CLNK: variants seen among roughly 807,000 people sequenced by gnomAD.
CLNK encodes cytokine-dependent hematopoietic cell linker.
CLNK carries 74 observed loss-of-function variants against 68.6 expected under a neutral mutation model. That is an observed-to-expected ratio of 1.08 (90% CI 0.89 to 1.31). The LOEUF is 1.31. CLNK is among the 50% of genes most tolerant of loss of function. The pLI is 0.00. For missense variants in CLNK, 553 were observed against 515.3 expected, an observed-to-expected ratio of 1.07 and a Z score of -0.71; for synonymous variants, 198 against 172.2, an observed-to-expected ratio of 1.15 and a Z score of -1.17.
At chr4:10,516,193 G>A (rs937523190) in intron 15 of CLNK, among the ~76,000 whole-genome samples, 4 of 151,796 alleles carry the variant, frequency 2.6e-5, no homozygotes, top group Non-Finnish European at 5.9e-5. Context: ...AAATCTTTAG[G>A]ATATATAAAC....
intron 1 of CLNK, among the ~76,000 whole-genome samples, chr4:10,677,078 G>A (rs1724905757): frequency 6.6e-6 from 1 of 150,764 alleles, no homozygotes; most frequent in Admixed American, 6.6e-5. Flanking sequence ...ACCCAACTGT[G>A]ATTGTTTCTC....
intron 8 of CLNK, among the ~76,000 whole-genome samples, chr4:10,549,442 A>G (rs1428843333): frequency 1.3e-5 from 2 of 152,190 alleles, no homozygotes; most frequent in African/African-American, 4.8e-5. Flanking sequence ...GAGCTTTGGA[A>G]CTGAATTTGT....
At chr4:10,540,434 C>G (rs1962796) in intron 11 of CLNK, 60 bp downstream of exon 11, 910,154 of 1,295,224 alleles carry the variant, frequency 0.7, 330,084 homozygotes, top group Non-Finnish European at 0.77. Flanking sequence ...TTTCCCTTGT[C>G]CCCCTCCCCC....
At chr4:10,692,923 C>T in the CLNK span, among the ~76,000 whole-genome samples, 1 of 152,222 alleles carries the variant, frequency 6.6e-6, no homozygotes, top group Non-Finnish European at 1.5e-5. Flanking sequence ...CCAAACTGGT[C>T]CATACTAAGT....
At chr4:10,591,423 T>A (rs1039902126) in intron 3 of CLNK, among the ~76,000 whole-genome samples, 1 of 152,222 alleles carries the variant, frequency 6.6e-6, no homozygotes, top group Non-Finnish European at 1.5e-5. Flanking sequence ...CTGCCTACCC[T>A]GAACCTCTAG....
At chr4:10,663,677 T>C (rs1724281140) in intron 2 of CLNK, among the ~76,000 whole-genome samples, 1 of 152,202 alleles carries the variant, frequency 6.6e-6, no homozygotes, top group Non-Finnish European at 1.5e-5. Flanking sequence ...CATCCATTCA[T>C]TTATACTTAT....
chr4:10,544,819 G>A (rs1719164189), intron 8 of CLNK, among the ~76,000 whole-genome samples: 1 of 152,162 alleles, frequency 6.6e-6, no homozygotes, highest in Non-Finnish European at 1.5e-5. Flanking sequence ...TGCGGGTGGT[G>A]ACTCTGAGGT....
intron 14 of CLNK, chr4:10,523,902 A>G (rs889931642): frequency 1.4e-5 from 5 of 362,912 alleles, no homozygotes; most frequent in Admixed American, 1.0e-4. Flanking sequence ...GCATGTGCCT[A>G]TAGTTCCAGC....
intron 8 of CLNK, 67 bp from the exon 9 acceptor site, chr4:10,542,347 C>T (rs543509827): frequency 3.9e-6 from 4 of 1,017,678 alleles, no homozygotes; most frequent in Non-Finnish European, 5.9e-6. Context: ...TTTATACACG[C>T]TTACATGAAA....
intron 2 of CLNK, chr4:10,656,385 G>T (rs1577200779): frequency 6.8e-6 from 1 of 147,646 alleles, no homozygotes; most frequent in Non-Finnish European, 1.5e-5. Flanking sequence ...GACAAGCATT[G>T]TGTGCAGACG....
chr4:10,629,838 C>T (rs185225167), intron 2 of CLNK, among the ~76,000 whole-genome samples: 1 of 152,262 alleles, frequency 6.6e-6, no homozygotes, highest in East Asian at 1.9e-4. Context: ...TATAAACAGC[C>T]ACAGTCTCTC....
At chr4:10,522,276 A>G (rs1185182322) in intron 14 of CLNK, among the ~76,000 whole-genome samples, 7 of 142,018 alleles carry the variant, frequency 4.9e-5, no homozygotes, top group African/African-American at 1.8e-4. Context: ...AAAAAAAAAG[A>G]AAAAGGAAAA....
At chr4:10,604,476 G>T (rs1200220194) in intron 2 of CLNK, among the ~76,000 whole-genome samples, 4 of 152,028 alleles carry the variant, frequency 2.6e-5, no homozygotes, top group Non-Finnish European at 5.9e-5. Context: ...CTAAAGGAAG[G>T]TTCTGGGGTC....
upstream of CLNK, among the ~76,000 whole-genome samples, chr4:10,689,045 TG>T (rs1307940413): frequency 6.6e-6 from 1 of 152,062 alleles, no homozygotes; most frequent in Non-Finnish European, 1.5e-5. Flanking sequence ...GGCAACGTGC[TG>T]GGGGAAAAAT....
At chr4:10,599,046 C>A (rs1334008290) in intron 2 of CLNK, among the ~76,000 whole-genome samples, 1 of 152,248 alleles carries the variant, frequency 6.6e-6, no homozygotes, top group Non-Finnish European at 1.5e-5. Flanking sequence ...CTCAGAGAAT[C>A]CTCCTCGGCC....
chr4:10,725,772 G>A, the CLNK span, among the ~76,000 whole-genome samples: 267 of 151,854 alleles, frequency 1.8e-3, 1 homozygote, highest in African/African-American at 5.8e-3. Context: ...GGAGAATGGC[G>A]TGAACCCGGG....
chr4:10,701,676 A>G, the CLNK span, among the ~76,000 whole-genome samples: 2 of 152,254 alleles, frequency 1.3e-5, no homozygotes, highest in South Asian at 2.1e-4. Flanking sequence ...CTTCACATTT[A>G]TTAGCTCATT....
chr4:10,646,046 T>C (rs1478827058), intron 2 of CLNK, among the ~76,000 whole-genome samples: 1 of 152,146 alleles, frequency 6.6e-6, no homozygotes, highest in South Asian at 2.1e-4. Flanking sequence ...TCTAACATTA[T>C]GAATGGAAGA....
intron 7 of CLNK, among the ~76,000 whole-genome samples, chr4:10,560,907 T>G (rs1719861132): frequency 6.6e-6 from 1 of 151,774 alleles, no homozygotes; most frequent in South Asian, 2.1e-4. Flanking sequence ...CCACCTCTTT[T>G]TTTTTCTGAG....
Sources: allele counts gnomAD v4.1 joint callset (sites outside exome capture counted in the v4.1 genomes callset), GRCh38; gene constraint gnomAD v4.1.1; transcripts MANE v1.5; gene names NCBI Gene and HGNC (gene_info 2026-07-23, HGNC 2026-07-21).